Variants in PDCD7 observed in about 807,000 individuals in gnomAD.
PDCD7 encodes programmed cell death protein 7.
In PDCD7, 40 loss-of-function variants were observed where a neutral mutation model predicts 42.1. The ratio of observed to expected loss-of-function variants is 0.95; its 90% confidence interval spans 0.74 to 1.24. The LOEUF (loss-of-function observed/expected upper bound fraction) is 1.24. PDCD7 is among the 50% of genes most tolerant of loss of function. The pLI is 0.00. For synonymous variants in PDCD7, 299 were observed against 303.3 expected, an observed-to-expected ratio of 0.99 and a Z score of 0.15; for missense variants, 644 against 662.8, an observed-to-expected ratio of 0.97 and a Z score of 0.31.
In PDCD7 at chr15:65,133,153, G is replaced by C; in HGVS notation, c.629C>G (p.Ser210Cys). Residue 210 changes from serine to cysteine, a missense_variant, in exon 1 of 5, where the codon TCC becomes TGC. By Grantham distance (112) the Ser-to-Cys change is moderately radical (BLOSUM62 -1). Coordinates refer to ENST00000204549, the MANE Select transcript of PDCD7 (RefSeq NM_005707.2). ...TTCCGCGCGCAGCGGCGCGGTCTGG[G>C]AGTACAGCAGGACCCAGGCCGCGCC... The part of the protein sequence containing the change: ...ADGAAWVLLY[S>C]QTAPLRAELA... 6.6e-7 allele frequency: 1 copy of C among 1,526,448 alleles called. No individual in the cohort carries two copies. The highest frequency in any genetic ancestry group is 8.7e-7 in the Non-Finnish European group (1 of 1,143,662). The allele number at this position is 1,526,448 out of a possible 1,614,324, so 94.6% of individuals were successfully genotyped here.
chr15:65,133,222 C>T lies in PDCD7; in HGVS notation c.560G>A (p.Arg187Gln). The change falls in exon 1 of 5, where the codon CGG becomes CAG. Residue 187 changes from arginine to glutamine, a missense_variant. By Grantham distance (43) the Arg-to-Gln change is conservative (BLOSUM62 1). Transcript: ENST00000204549. The part of the protein sequence containing the change: ...RLLRALRLVR[R>Q]LRGLSQALRE... Reference sequence around the variant, plus strand: ...CAGGGCCTGGCTCAGGCCGCGCAGCCGCCGCACCAGGCGCAGAGCCCGGAG... The same window carrying T: ...CAGGGCCTGGCTCAGGCCGCGCAGCTGCCGCACCAGGCGCAGAGCCCGGAG... The T allele has an allele frequency of 7.2e-7, 1 of 1,380,390 alleles. No homozygotes were observed. The highest frequency in any genetic ancestry group is 9.3e-7 in the Non-Finnish European group (1 of 1,076,758). The allele number at this position is 1,380,390 out of a possible 1,614,324, so 85.5% of individuals were successfully genotyped here. A position where few individuals can be genotyped will look rare whatever the true frequency, so the allele number is the denominator to read the frequency against.
chr15:65,119,365 G>A lies in PDCD7; in HGVS notation c.1334+11C>T, dbSNP rs1467531470. 2 of 1,598,974 alleles carry A rather than the reference G, an allele frequency of 1.3e-6. No homozygotes were observed. Among genetic ancestry groups the A allele is most frequent in the Non-Finnish European group, 1.7e-6 (2 of 1,166,700 alleles). The stretch of plus-strand genomic sequence containing the variant: ...AAGAGAAAGACAACATGGAGAGCCA[G>A]CCCCTCTGACCTGATCTGGATGAGC... On this transcript the variant is annotated intron_variant, in intron 4 of 4. Coordinates refer to ENST00000204549, the MANE Select transcript of PDCD7 (RefSeq NM_005707.2).
intron 2 of PDCD7, among the ~76,000 whole-genome samples, chr15:65,126,385 C>T (rs2087496170): frequency 6.6e-6 from 1 of 152,156 alleles, no homozygotes; most frequent in Admixed American, 6.6e-5. Flanking sequence ...ACCACACACA[C>T]CTCAAACTCG....
chr15:65,124,409 G>A (rs1210480014), intron 2 of PDCD7, among the ~76,000 whole-genome samples: 3 of 150,332 alleles, frequency 2.0e-5, no homozygotes, highest in Admixed American at 6.7e-5. Context: ...GGGGCAACAA[G>A]AGTGAAACTC....
chr15:65,119,254 T>C (rs2087431821), intron 4 of PDCD7, 122 bp downstream of exon 4: 1 of 637,694 alleles, frequency 1.6e-6, no homozygotes, highest in Non-Finnish European at 2.8e-6. Context: ...CATAGTTTTT[T>C]TTAAGTTCCT....
rs781469770 is a variant in PDCD7 at position 65,132,963 on chromosome 15, C to A, written c.819G>T (p.Glu273Asp). ...CACACTTCACCCTCCAGCGGTCAAT[C>A]TCCTGCTCGCGTTCCACTGCCCGCG... Reference protein sequence around the residue: ...EAARAVEREQEIDRWRVKCVQ... With the variant: ...EAARAVEREQDIDRWRVKCVQ... Residue 273 changes from glutamate to aspartate, a missense_variant, in exon 1 of 5, where the codon GAG (glutamate) becomes GAT (aspartate). Physicochemically the swap from Glu to Asp is conservative, Grantham distance 45. Transcript: ENST00000204549. The A allele has an allele frequency of 3.7e-6, 6 of 1,606,322 alleles. No homozygotes were observed. The highest frequency in any genetic ancestry group is 5.1e-6 in the Non-Finnish European group (6 of 1,179,854).
rs1011538918 is a variant in PDCD7, at chr15:65,133,281, G to A, written c.501C>T (p.Ala167=). The A allele has an allele frequency of 3.8e-6, 5 of 1,323,556 alleles. No individual in the cohort carries two copies. In the East Asian group the frequency reaches 9.5e-5, roughly 25 times the overall value. The allele number at this position is 1,323,556 out of a possible 1,614,324, so 82.0% of individuals were successfully genotyped here. A position where few individuals can be genotyped will look rare whatever the true frequency, so the allele number is the denominator to read the frequency against. ...AGCPVPQRTH[A]GPSLGEVRAR... ...CGCGCACTTCGCCAAGGCTGGGCCC[G>A]GCATGCGTGCGCTGGGGCACCGGAC... Residue 167 remains alanine (A), a synonymous_variant, in exon 1 of 5, where the codon GCC becomes GCT. Coordinates refer to ENST00000204549, the MANE Select transcript of PDCD7 (RefSeq NM_005707.2).
intron 2 of PDCD7, among the ~76,000 whole-genome samples, chr15:65,124,602 C>A (rs1027698226): frequency 2.0e-5 from 3 of 152,152 alleles, no homozygotes; most frequent in African/African-American, 7.2e-5. Flanking sequence ...TGCCTGCAGT[C>A]CTGTTCAGTC....
intron 1 of PDCD7, among the ~76,000 whole-genome samples, chr15:65,132,340 G>C (rs112776084): frequency 5.5e-4 from 83 of 150,730 alleles, no homozygotes; most frequent in African/African-American, 2.0e-3. Context: ...CTGGAATGCA[G>C]TGGTGCGATC....
chr15:65,129,362 G>A (rs1057190002), intron 1 of PDCD7, among the ~76,000 whole-genome samples, 192 bp from the exon 2 acceptor site: 2 of 152,160 alleles, frequency 1.3e-5, no homozygotes, highest in African/African-American at 4.8e-5. Context: ...CTCCACTGAT[G>A]GTACAACCTT....
intron 2 of PDCD7, among the ~76,000 whole-genome samples, chr15:65,120,911 T>C (rs2087448613): frequency 6.6e-6 from 1 of 152,178 alleles, no homozygotes; most frequent in South Asian, 2.1e-4. Context: ...CTATAGTATG[T>C]ATCGGTTAAA....
rs374808919 is a variant in PDCD7, at chr15:65,129,217, T to C, written c.871-47A>G. On this transcript the variant is annotated intron_variant, in intron 1 of 4. Coordinates refer to ENST00000204549, the MANE Select transcript of PDCD7 (RefSeq NM_005707.2). ...TGAGACCTCGTATTAGGAACAAACT[T>C]ACAGCAGAGAATAGCTGCCCAGTGG... 409 of 1,603,000 alleles carry C rather than the reference T, an allele frequency of 2.6e-4. 2 individuals are homozygous for C. In the South Asian group the frequency reaches 4.4e-3, roughly 17 times the overall value.
chr15:65,126,018 G>A (rs1271438258), intron 2 of PDCD7, among the ~76,000 whole-genome samples: 1 of 152,158 alleles, frequency 6.6e-6, no homozygotes, highest in South Asian at 2.1e-4. Context: ...AGAACAGCAT[G>A]TGAAAGACCT....
At chr15:65,128,226 A>T (rs1229662267) in intron 2 of PDCD7, among the ~76,000 whole-genome samples, 1 of 152,244 alleles carries the variant, frequency 6.6e-6, no homozygotes, top group Non-Finnish European at 1.5e-5. Flanking sequence ...TCTACTAAAT[A>T]AATCAGCATG....
At chr15:65,128,947 T>G in intron 2 of PDCD7, 85 bp downstream of exon 2, 1 of 1,474,224 alleles carries the variant, frequency 6.8e-7, no homozygotes, top group Non-Finnish European at 9.3e-7. Context: ...TTTCAAGTAT[T>G]TTTCCCTCAA....
chr15:65,132,884 T>C, intron 1 of PDCD7, 28 bp downstream of exon 1: 1 of 1,600,116 alleles, frequency 6.2e-7, no homozygotes, highest in African/African-American at 1.3e-5. Context: ...CCACCACTCC[T>C]ACCCCCATGA....
At chr15:65,124,587 C>A in intron 2 of PDCD7, among the ~76,000 whole-genome samples, 1 of 152,172 alleles carries the variant, frequency 6.6e-6, no homozygotes, top group Non-Finnish European at 1.5e-5. Flanking sequence ...TCCCCTTTAG[C>A]CACATGCCTG....
At position 65,120,238 on chromosome 15, in the gene PDCD7, C is replaced by T. The variant is rs1464154768; in HGVS notation, c.1010-284G>A. On this transcript the variant is annotated intron_variant, in intron 2 of 4. Coordinates refer to ENST00000204549, the MANE Select transcript of PDCD7 (RefSeq NM_005707.2). ...GCATGACCACGACTCACTGCAGCCTCGACCTCCTGGGCCCGAGATCCTCCC... is the reference window on the plus strand; with the variant it reads ...GCATGACCACGACTCACTGCAGCCTTGACCTCCTGGGCCCGAGATCCTCCC... Among the ~76,000 whole-genome samples, 3 of 152,052 alleles carry T rather than the reference C, an allele frequency of 2.0e-5. No homozygotes were observed. In the South Asian group the frequency reaches 6.2e-4, roughly 32 times the overall value.
chr15:65,125,682 A>T (rs905991652), intron 2 of PDCD7, among the ~76,000 whole-genome samples: 15 of 152,222 alleles, frequency 9.9e-5, no homozygotes, highest in African/African-American at 3.1e-4. Context: ...ATATTTATTA[A>T]TTTAATCCTC....
Sources: gnomAD v4.1 joint callset for allele counts (sites outside exome capture counted in the v4.1 genomes callset) on GRCh38, gnomAD v4.1.1 for gene constraint, MANE v1.5 for transcripts, NCBI Gene and HGNC (gene_info 2026-07-23, HGNC 2026-07-21) for gene names.